GALNT7: variants seen among roughly 807,000 people sequenced by gnomAD.
GALNT7 encodes polypeptide N-acetylgalactosaminyltransferase 7.
GALNT7 carries 60 observed loss-of-function variants against 82.1 expected under a neutral mutation model. The observed-to-expected ratio is 0.73, with a 90% CI of 0.59 to 0.91. The LOEUF (loss-of-function observed/expected upper bound fraction) is 0.91, where lower values mean the gene tolerates loss of function less well. Among genes scored for constraint, GALNT7 ranks in the 40% least tolerant of loss-of-function variants. The pLI, the probability that GALNT7 is intolerant of heterozygous loss-of-function variation, is 0.00. For missense variants in GALNT7, 660 were observed against 804.2 expected, an observed-to-expected ratio of 0.82 and a Z score of 2.17; for synonymous variants, 243 against 275.1, an observed-to-expected ratio of 0.88 and a Z score of 1.15.
intron 1 of GALNT7, among the ~76,000 whole-genome samples, chr4:173,208,272 T>C (rs1166836187): frequency 1.3e-5 from 2 of 152,192 alleles, no homozygotes; most frequent in Non-Finnish European, 2.9e-5. Flanking sequence ...CATTAGAAAA[T>C]ATACAATTCT....
chr4:173,201,307 A>C (rs920993093), intron 1 of GALNT7, among the ~76,000 whole-genome samples: 1 of 152,198 alleles, frequency 6.6e-6, no homozygotes, highest in African/African-American at 2.4e-5. Context: ...GTGGTTATTA[A>C]ATTAATTTAA....
At chr4:173,242,485 A>C (rs550686651) in intron 1 of GALNT7, among the ~76,000 whole-genome samples, 2 of 152,300 alleles carry the variant, frequency 1.3e-5, no homozygotes, top group South Asian at 4.1e-4. Context: ...ATGACATTCT[A>C]GATATTTAAG....
At position 173,317,705 on chromosome 4, in the gene GALNT7, A is replaced by C. The variant is rs1405287479; in HGVS notation, c.1680A>C (p.Gly560=). Residue 560 remains glycine, a synonymous_variant, in exon 10 of 12, where the codon GGA becomes GGC. Coordinates refer to ENST00000265000, the MANE Select transcript of GALNT7 (RefSeq NM_017423.3). ...GKTNGGFVEL[G]PCHRMGGNQL... ...CAAATGGAGGCTTTGTTGAACTAGG[A>C]CCCTGCCACAGGATGGGAGGGAATC... 6.2e-7 allele frequency: 1 copy of C among 1,611,676 alleles called. No homozygotes were observed. Among genetic ancestry groups the C allele is most frequent in the South Asian group, 1.1e-5 (1 of 91,046 alleles).
chr4:173,229,949 G>A (rs918423568), intron 1 of GALNT7, among the ~76,000 whole-genome samples: 10 of 152,030 alleles, frequency 6.6e-5, no homozygotes, highest in African/African-American at 2.2e-4. Flanking sequence ...GCTGTCTTAA[G>A]TGTGTGCTAT....
At chr4:173,304,464 C>A (rs1737071799) in intron 8 of GALNT7, among the ~76,000 whole-genome samples, 1 of 151,454 alleles carries the variant, frequency 6.6e-6, no homozygotes, top group South Asian at 2.1e-4. Context: ...GTATCTTGTA[C>A]AATATGATGT....
At chr4:173,261,703 C>A (rs1735270833) in intron 2 of GALNT7, among the ~76,000 whole-genome samples, 1 of 152,086 alleles carries the variant, frequency 6.6e-6, no homozygotes. Flanking sequence ...CCTGTAATCC[C>A]AGCTTCTCAG....
chr4:173,211,253 T>C (rs539089742), intron 1 of GALNT7, among the ~76,000 whole-genome samples: 1 of 152,340 alleles, frequency 6.6e-6, no homozygotes, highest in South Asian at 2.1e-4. Flanking sequence ...TTTCTAAATA[T>C]GCATTCCTGC....
chr4:173,319,733 C>A (rs1737734789), intron 11 of GALNT7, among the ~76,000 whole-genome samples: 2 of 151,910 alleles, frequency 1.3e-5, no homozygotes, highest in South Asian at 4.1e-4. Context: ...ACTTGGGGAC[C>A]AATAATATGT....
chr4:173,240,357 ATTTTTTTTTTTT>A lies in GALNT7; in HGVS notation c.127-7605_127-7594del, dbSNP rs869162691. ...GGCAATGGAAAGTGGACACTGGCTA[ATTTTTTTTTTTT>A]TTTTTTTTTTTTTTTTTGAGACAGA... On this transcript the variant is annotated intron_variant, in intron 1 of 11. Transcript: ENST00000265000. 3.0e-3 allele frequency among the ~76,000 whole-genome samples: 309 copies of A among 104,158 alleles called. 1 individual carries two copies. The highest frequency in any genetic ancestry group is 5.3e-3 in the Admixed American group (49 of 9,234). 68.3% of individuals were successfully genotyped at this position (104,158 alleles called of 152,430 possible). A position where few individuals can be genotyped will look rare whatever the true frequency, so the allele number is the denominator to read the frequency against.
chr4:173,245,961 C>T (rs998576538), intron 1 of GALNT7, among the ~76,000 whole-genome samples: 1 of 152,190 alleles, frequency 6.6e-6, no homozygotes, highest in African/African-American at 2.4e-5. Flanking sequence ...GATCTAGAGG[C>T]TTTCTCAACC....
At chr4:173,236,527 A>G (rs1734235958) in intron 1 of GALNT7, among the ~76,000 whole-genome samples, 1 of 152,228 alleles carries the variant, frequency 6.6e-6, no homozygotes, top group African/African-American at 2.4e-5. Flanking sequence ...AAGAGGATAA[A>G]GTCTGAACCT....
chr4:173,281,578 A>T (rs1161113314), intron 2 of GALNT7, among the ~76,000 whole-genome samples: 3 of 152,176 alleles, frequency 2.0e-5, no homozygotes, highest in Non-Finnish European at 4.4e-5. Context: ...CCTACAGCCA[A>T]GGGAGACTGC....
intron 5 of GALNT7, 84 bp downstream of exon 5, chr4:173,295,927 C>T (rs997946179): frequency 1.2e-6 from 1 of 817,258 alleles, no homozygotes; most frequent in Non-Finnish European, 2.2e-6. Flanking sequence ...TCCTTTGATT[C>T]CAGCTCCATT....
chr4:173,309,707 A>G (rs2126861131), intron 8 of GALNT7, among the ~76,000 whole-genome samples: 1 of 152,336 alleles, frequency 6.6e-6, no homozygotes, highest in East Asian at 1.9e-4. Context: ...ATAAAATGGG[A>G]ATAGGTAATA....
chr4:173,206,630 T>G (rs909477727), intron 1 of GALNT7, among the ~76,000 whole-genome samples: 1 of 152,332 alleles, frequency 6.6e-6, no homozygotes, highest in East Asian at 1.9e-4. Flanking sequence ...AATATCAAAC[T>G]AGTCTTTAGA....
At chr4:173,237,670 G>T (rs1056909835) in intron 1 of GALNT7, among the ~76,000 whole-genome samples, 1 of 151,616 alleles carries the variant, frequency 6.6e-6, no homozygotes, top group Non-Finnish European at 1.5e-5. Context: ...TAAACTGTTT[G>T]CTTGGCTTTG....
At chr4:173,298,088 A>T (rs558624760) in intron 5 of GALNT7, 27 bp from the exon 6 acceptor site, 1 of 1,611,246 alleles carries the variant, frequency 6.2e-7, no homozygotes. Flanking sequence ...CTTCCATTTG[A>T]TCTTTGCTGC....
Position 173,254,754 on chromosome 4 carries a change from G to T in GALNT7, c.587+6314G>T, listed in dbSNP as rs145469660. On this transcript the variant is annotated intron_variant, in intron 2 of 11. Transcript: ENST00000265000. ...TGCCCAAAACATATTTTATTTTTCAGACTACAGTTTGGCAATTTTAGGTCT... is the reference window on the plus strand; with the variant it reads ...TGCCCAAAACATATTTTATTTTTCATACTACAGTTTGGCAATTTTAGGTCT... Among the ~76,000 whole-genome samples, 16 of 152,192 alleles carry T rather than the reference G, an allele frequency of 1.1e-4. No individual in the cohort carries two copies. The East Asian group carries it at 2.3e-3, about 22-fold the overall frequency.
chr4:173,197,855 G>T (rs925512684), intron 1 of GALNT7, among the ~76,000 whole-genome samples: 4 of 152,170 alleles, frequency 2.6e-5, no homozygotes, highest in South Asian at 2.1e-4. Flanking sequence ...CAGCTGGGTC[G>T]ATTAGGGTGG....
Sources: allele counts gnomAD v4.1 joint callset (sites outside exome capture counted in the v4.1 genomes callset), GRCh38; gene constraint gnomAD v4.1.1; transcripts MANE v1.5; gene names NCBI Gene and HGNC (gene_info 2026-07-23, HGNC 2026-07-21).